Variants in PTPRG observed in about 807,000 individuals in gnomAD.
PTPRG encodes receptor-type tyrosine-protein phosphatase gamma.
Under a neutral mutation model 165.3 loss-of-function variants are expected in PTPRG, and 102 were observed. That is an observed-to-expected ratio of 0.62 (90% confidence interval 0.53 to 0.73). The LOEUF is 0.73. Among genes scored for constraint, PTPRG ranks in the 30% least tolerant of loss-of-function variants. The probability of loss-of-function intolerance (pLI) is 0.00; values close to 1 mark genes in which losing one functional copy is unlikely to be tolerated. For synonymous variants in PTPRG, 675 were observed against 669.5 expected (o/e 1.01, Z -0.13); for missense variants, 1,866 against 1,861.4 (o/e 1.00, Z -0.05).
At chr3:62,181,839 G>A (rs1705663659) in intron 8 of PTPRG, among the ~76,000 whole-genome samples, 1 of 152,128 alleles carries the variant, frequency 6.6e-6, no homozygotes, top group Non-Finnish European at 1.5e-5. Context: ...TTATAATGTT[G>A]ATATAATGAT....
intron 6 of PTPRG, among the ~76,000 whole-genome samples, chr3:62,148,023 G>A (rs1451687098): frequency 6.6e-6 from 1 of 152,188 alleles, no homozygotes; most frequent in African/African-American, 2.4e-5. Context: ...GTGCACGCCT[G>A]TAGTTCAAGC....
intron 1 of PTPRG, among the ~76,000 whole-genome samples, chr3:61,623,295 A>G (rs1037429189): frequency 2.0e-5 from 3 of 152,220 alleles, no homozygotes; most frequent in Non-Finnish European, 4.4e-5. Context: ...CCCAAGACTC[A>G]GATCCCTCCT....
At chr3:62,026,154 AT>A (rs1328599437) in intron 4 of PTPRG, among the ~76,000 whole-genome samples, 1 of 152,192 alleles carries the variant, frequency 6.6e-6, no homozygotes, top group Non-Finnish European at 1.5e-5. Flanking sequence ...CCATAATGGA[AT>A]TGATTTCTTA....
rs1349419709 is a variant in PTPRG, at chr3:62,269,162, T to A, written c.3002T>A (p.Val1001Glu). The A allele has an allele frequency of 6.3e-7, 1 of 1,578,354 alleles. No homozygotes were observed. The highest frequency in any genetic ancestry group is 2.3e-5 in the East Asian group (1 of 44,162). The change falls in exon 20 of 30, where the codon GTG (valine) becomes GAG (glutamate). Residue 1001 changes from valine (V) to glutamate (E), a missense_variant. Val to Glu is a moderately radical substitution (Grantham distance 121). Around this residue, in one of 3 missense-constraint regions of PTPRG, gnomAD observed 1,452 missense variants for 1,463.0 expected, o/e 0.99. Transcript: ENST00000474889. Reference protein sequence around the residue: ...VRRFSIRNTKVKKGQKGNPKG... With the variant: ...VRRFSIRNTKEKKGQKGNPKG... The stretch of plus-strand genomic sequence containing the variant: ...CGTTTTTCAATCAGAAATACAAAAG[T>A]GAAAAAGGTATGGAAGGAATTGGGT...
chr3:61,606,008 C>T (rs1454956422), intron 1 of PTPRG, among the ~76,000 whole-genome samples: 3 of 152,262 alleles, frequency 2.0e-5, no homozygotes, highest in South Asian at 4.1e-4. Flanking sequence ...GCACCCCTCA[C>T]CCCATGTGGT....
At chr3:62,193,654 G>A (rs566757511) in intron 9 of PTPRG, among the ~76,000 whole-genome samples, 2 of 152,160 alleles carry the variant, frequency 1.3e-5, no homozygotes, top group Non-Finnish European at 2.9e-5. Flanking sequence ...TTTTCCAAAC[G>A]AGATCAGTGA....
intron 15 of PTPRG, among the ~76,000 whole-genome samples, chr3:62,247,567 G>A (rs1188160908): frequency 1.3e-5 from 2 of 151,904 alleles, no homozygotes; most frequent in Non-Finnish European, 2.9e-5. Context: ...TCTCATCTCT[G>A]TTCTCTACTT....
At chr3:61,848,376 G>T (rs913965994) in intron 2 of PTPRG, among the ~76,000 whole-genome samples, 1 of 152,208 alleles carries the variant, frequency 6.6e-6, no homozygotes, top group Non-Finnish European at 1.5e-5. Context: ...TTGTGTGCCT[G>T]ACCTCTGAGC....
chr3:62,124,449 G>A (rs1326374794), intron 5 of PTPRG: 3 of 1,613,748 alleles, frequency 1.9e-6, no homozygotes, highest in Non-Finnish European at 2.5e-6. Flanking sequence ...TTGTTCTGGG[G>A]GATGCTGGGC....
Position 62,294,267 on chromosome 3 carries a change from A to G in PTPRG, c.*960A>G, listed in dbSNP as rs1391303392. The G allele has an allele frequency of 6.6e-6, 1 of 152,118 alleles. No homozygotes were observed. The highest frequency in any genetic ancestry group is 2.4e-5 in the African/African-American group (1 of 41,434). 9.4% of individuals were successfully genotyped at this position (152,118 alleles called of 1,614,324 possible). A position where few individuals can be genotyped will look rare whatever the true frequency, so the allele number is the denominator to read the frequency against. On this transcript the variant is annotated 3_prime_UTR_variant, in exon 30 of 30. Coordinates refer to ENST00000474889, the MANE Select transcript of PTPRG (RefSeq NM_002841.4). ...CCTCTAAAAATTCCCTATTACTCCT[A>G]TAGCAATCTAATAAAAACTACCTAC...
chr3:61,593,720 AAAAG>A (rs200345560), intron 1 of PTPRG, among the ~76,000 whole-genome samples: 102,739 of 144,452 alleles, frequency 0.71, 36,553 homozygotes, highest in South Asian at 0.85. Context: ...AAAAAAAAAA[AAAAG>A]AAGAAAAAGC....
chr3:61,622,257 G>GT (rs1476554165), intron 1 of PTPRG, among the ~76,000 whole-genome samples: 2 of 151,982 alleles, frequency 1.3e-5, no homozygotes, highest in Admixed American at 6.6e-5. Context: ...ACATTTTTGT[G>GT]TTTAAGTTCT....
chr3:61,736,458 T>A (rs909420307), intron 1 of PTPRG, among the ~76,000 whole-genome samples: 4 of 152,004 alleles, frequency 2.6e-5, no homozygotes, highest in Non-Finnish European at 5.9e-5. Flanking sequence ...TTATCTTTTT[T>A]TTCCCCCATT....
chr3:62,281,537 G>GATTTTTTTT, intron 26 of PTPRG, 26 bp from the exon 27 acceptor site: 1 of 174,778 alleles, frequency 5.7e-6, no homozygotes, highest in Non-Finnish European at 8.2e-6. Context: ...AACTGCAGAG[G>GATTTTTTTT]CTTTTTTTTT....
intron 2 of PTPRG, chr3:61,769,493 G>C (rs2034139697): frequency 6.6e-6 from 1 of 152,222 alleles, no homozygotes. Flanking sequence ...GGCTGGCCTC[G>C]AATTCCTGGC....
chr3:61,749,231 T>G, intron 2 of PTPRG: 1 of 578,178 alleles, frequency 1.7e-6, no homozygotes, highest in South Asian at 1.6e-5. Context: ...TTACTGTTAA[T>G]GAGTTATTGT....
intron 2 of PTPRG, among the ~76,000 whole-genome samples, chr3:61,911,690 A>G (rs574552634): frequency 6.6e-6 from 1 of 152,268 alleles, no homozygotes; most frequent in African/African-American, 2.4e-5. Flanking sequence ...TTATTTTATA[A>G]TGAAATGTAA....
intron 1 of PTPRG, among the ~76,000 whole-genome samples, chr3:61,716,926 C>T (rs1307792957): frequency 2.0e-5 from 3 of 152,246 alleles, no homozygotes; most frequent in Admixed American, 6.5e-5. Context: ...GAGCCAAAAT[C>T]GTGCCACTGC....
Position 62,196,044 on chromosome 3 carries a change from T to A in PTPRG, c.1327+874T>A, listed in dbSNP as rs138939225. Among the ~76,000 whole-genome samples, 1,370 of 151,238 alleles carry A rather than the reference T, an allele frequency of 9.1e-3. 10 individuals are homozygous for A. The highest frequency in any genetic ancestry group is 0.027 in the Middle Eastern group (8 of 294). ...ACTTCGTGATCTGCCTGCCTTAGCC[T>A]CCCAAAGCTCTGAGATTACAGGCGT... On this transcript the variant is annotated intron_variant, in intron 10 of 29. Coordinates refer to ENST00000474889, the MANE Select transcript of PTPRG (RefSeq NM_002841.4).
Sources: gnomAD v4.1 joint callset for allele counts (sites outside exome capture counted in the v4.1 genomes callset) on GRCh38, gnomAD v4.1.1 for gene constraint, gnomAD v4.1.1 regional missense constraint, MANE v1.5 for transcripts, NCBI Gene and HGNC (gene_info 2026-07-23, HGNC 2026-07-21) for gene names.